Variants in INSIG1 observed in about 807,000 individuals in gnomAD.
The protein encoded by INSIG1 is insulin induced gene 1, also known as insulin-induced gene 1 protein.
Under a neutral mutation model 26.5 loss-of-function variants are expected in INSIG1, and 14 were observed. The observed-to-expected ratio is 0.53, with a 90% CI of 0.35 to 0.83. The LOEUF is 0.83. Ranked by LOEUF, INSIG1 falls within the 40% of genes least tolerant of loss-of-function variation. The probability of loss-of-function intolerance (pLI) is 0.01; values close to 1 mark genes in which losing one functional copy is unlikely to be tolerated. For synonymous variants in INSIG1, 147 were observed against 153.3 expected, an observed-to-expected ratio of 0.96 and a Z score of 0.30; for missense variants, 272 against 368.9, an observed-to-expected ratio of 0.74 and a Z score of 2.15.
At chr7:155,301,274 A>G (rs1797777114) in intron 2 of INSIG1, among the ~76,000 whole-genome samples, 2 of 152,244 alleles carry the variant, frequency 1.3e-5, no homozygotes. Context: ...ATAAGGTTAC[A>G]TATTGCTCAT....
intron 5 of INSIG1, among the ~76,000 whole-genome samples, chr7:155,307,809 A>G (rs958665209): frequency 1.3e-5 from 2 of 152,220 alleles, no homozygotes; most frequent in African/African-American, 4.8e-5. Flanking sequence ...ATAAAGGTTC[A>G]ATCCCTTAAA....
Position 155,298,517 on chromosome 7 carries a change from A to T in INSIG1, c.232A>T (p.Asn78Tyr), listed in dbSNP as rs761681762. 2 of 1,592,288 alleles carry T rather than the reference A, an allele frequency of 1.3e-6. No homozygotes were observed. Among genetic ancestry groups the T allele is most frequent in the East Asian group, 2.3e-5 (1 of 43,912 alleles). The change falls in exon 2 of 6, where the codon AAC becomes TAC. Residue 78 changes from asparagine to tyrosine, a missense_variant. Asn to Tyr is a moderately radical substitution (Grantham distance 143). Transcript: ENST00000340368. Reference sequence around the variant, plus strand: ...CCCCGAGCCCGGCAGCCCCTACCCCAACACCTGGCATCATCGCCTGTTGCA... The same window carrying T: ...CCCCGAGCCCGGCAGCCCCTACCCCTACACCTGGCATCATCGCCTGTTGCA... The part of the protein sequence containing the change: ...SGPEPGSPYP[N>Y]TWHHRLLQRS...
Position 155,304,160 on chromosome 7 carries a change from C to A in INSIG1, c.804+1314C>A, listed in dbSNP as rs11973535. On this transcript the variant is annotated intron_variant, in intron 5 of 5. Coordinates refer to ENST00000340368, the MANE Select transcript of INSIG1 (RefSeq NM_005542.6). ...TTTGCTTTTTGTGGAGATGTTATCTCCCTGCCTTGTCCAGGCCGGGCTCGA... is the reference window on the plus strand; with the variant it reads ...TTTGCTTTTTGTGGAGATGTTATCTACCTGCCTTGTCCAGGCCGGGCTCGA... Among the ~76,000 whole-genome samples, 907 of 152,198 alleles carry A rather than the reference C, an allele frequency of 6.0e-3. 14 individuals are homozygous for A. The highest frequency in any genetic ancestry group is 0.021 in the African/African-American group (881 of 41,532).
At chr7:155,307,010 T>C (rs753170225) in intron 5 of INSIG1, among the ~76,000 whole-genome samples, 1 of 152,198 alleles carries the variant, frequency 6.6e-6, no homozygotes, top group Non-Finnish European at 1.5e-5. Context: ...ATTCTAAAAG[T>C]CCACTTCCCA....
intron 2 of INSIG1, 105 bp downstream of exon 2, chr7:155,298,802 A>G: frequency 9.1e-7 from 1 of 1,103,040 alleles, no homozygotes; most frequent in Non-Finnish European, 1.3e-6. Context: ...AACTATCCAC[A>G]GATTGAAAGT....
At position 155,302,654 on chromosome 7, in the gene INSIG1, G is replaced by A; in HGVS notation, c.705-93G>A. 1 of 956,064 alleles carries A rather than the reference G, an allele frequency of 1.0e-6. No homozygotes were observed. The highest frequency in any genetic ancestry group is 2.0e-5 in the Admixed American group (1 of 50,690). The allele number at this position is 956,064 out of a possible 1,614,324, so 59.2% of individuals were successfully genotyped here. ...ATTCGTAACATTGGATGGTTGATAT[G>A]CGTTCTGCATATCCCCACTACAGAG... On this transcript the variant is annotated intron_variant, in intron 4 of 5. Transcript: ENST00000340368. This position sits in a 1 kb window ranked among gnomAD's most constrained non-coding sequence, Gnocchi z 4.3.
intron 5 of INSIG1, among the ~76,000 whole-genome samples, chr7:155,304,153 G>A (rs1456370590): frequency 6.6e-6 from 1 of 152,080 alleles, no homozygotes; most frequent in Non-Finnish European, 1.5e-5. Context: ...TTGTGGAGAT[G>A]TTATCTCCCT....
Position 155,302,856 on chromosome 7 carries a change from A to G in INSIG1, c.804+10A>G, listed in dbSNP as rs780125640. On this transcript the variant is annotated intron_variant, in intron 5 of 5. Transcript: ENST00000340368. The surrounding 1 kb of genome is among the most constrained non-coding windows in gnomAD (Gnocchi z 4.3). ...ACGACAGTTAGCTATGGTAAGTGAA[A>G]TGATCATATTATCTTCTAAAACTTG... 5.0e-5 allele frequency: 77 copies of G among 1,537,262 alleles called. 1 individual carries two copies. The South Asian group carries it at 6.9e-4, about 14-fold the overall frequency.
chr7:155,307,474 G>A (rs779990979), intron 5 of INSIG1, among the ~76,000 whole-genome samples: 1 of 152,210 alleles, frequency 6.6e-6, no homozygotes, highest in Non-Finnish European at 1.5e-5. Flanking sequence ...AAGCTCCGTG[G>A]CCTCAGGAAG....
rs754211515 is a variant in INSIG1, at chr7:155,302,257, G to T, written c.544G>T (p.Asp182Tyr). 4.5e-6 allele frequency: 7 copies of T among 1,549,386 alleles called. No individual in the cohort carries two copies. The highest frequency in any genetic ancestry group is 1.4e-5 in the African/African-American group (1 of 71,224). ...VGINHASAKLDFANNVQLSLT... is the reference protein window; with the variant it reads ...VGINHASAKLYFANNVQLSLT... ...TTAACTTTTATATCACCAGAAATTG[G>T]ATTTTGCCAATAATGTCCAGCTGTC... is the stretch of plus-strand genomic sequence containing the variant. Residue 182 changes from aspartate (D) to tyrosine (Y), a missense_variant, in exon 4 of 6, where the codon GAT (aspartate) becomes TAT (tyrosine). Asp to Tyr is a radical substitution (Grantham distance 160). Around this residue, in one of 2 missense-constraint regions of INSIG1, gnomAD observed 111 missense variants for 189.8 expected, o/e 0.58. Coordinates refer to ENST00000340368, the MANE Select transcript of INSIG1 (RefSeq NM_005542.6). The surrounding 1 kb of genome is among the most constrained non-coding windows in gnomAD (Gnocchi z 4.3).
intron 2 of INSIG1, among the ~76,000 whole-genome samples, chr7:155,300,650 T>G (rs1302922268): frequency 2.0e-4 from 30 of 152,238 alleles, no homozygotes; most frequent in South Asian, 2.1e-4. Context: ...TTTGCCATTT[T>G]ACTTCTCTTT....
rs2150893442 is a variant in INSIG1, at chr7:155,298,810, AGT to A, written c.412+117_412+118del. On this transcript the variant is annotated intron_variant, in intron 2 of 5. Coordinates refer to ENST00000340368, the MANE Select transcript of INSIG1 (RefSeq NM_005542.6). ...AAACTGGAACTATCCACAGATTGAAAGTGTGCATCTCCAGTCTTGGGATTTAG... is the reference window on the plus strand; with the variant it reads ...AAACTGGAACTATCCACAGATTGAAAGTGCATCTCCAGTCTTGGGATTTAG... The A allele has an allele frequency of 4.8e-6, 5 of 1,039,236 alleles. No individual in the cohort carries two copies. The South Asian group carries it at 8.0e-5, about 17-fold the overall frequency. 64.4% of individuals were successfully genotyped at this position (1,039,236 alleles called of 1,614,324 possible).
chr7:155,308,338 AAAG>A lies in INSIG1; in HGVS notation c.*70_*72del. The A allele has an allele frequency of 6.3e-7, 1 of 1,590,550 alleles. No homozygotes were observed. Among genetic ancestry groups the A allele is most frequent in the Non-Finnish European group, 8.6e-7 (1 of 1,158,678 alleles). On this transcript the variant is annotated 3_prime_UTR_variant, in exon 6 of 6. Coordinates refer to ENST00000340368, the MANE Select transcript of INSIG1 (RefSeq NM_005542.6). ...AGAAAATCTGACTGTGGATTATGAC[AAAG>A]ATTATCTTTTTTCTTAAGTAATCTA...
chr7:155,298,837 G>A (rs1797707710), intron 2 of INSIG1, 140 bp downstream of exon 2: 3 of 955,218 alleles, frequency 3.1e-6, no homozygotes, highest in Admixed American at 2.8e-5. Flanking sequence ...TTGGGATTTA[G>A]AGAAATGAAG....
chr7:155,305,077 C>T (rs1797901108), intron 5 of INSIG1, among the ~76,000 whole-genome samples: 1 of 148,768 alleles, frequency 6.7e-6, no homozygotes, highest in Admixed American at 6.8e-5. Context: ...ACCCGGGAGG[C>T]AGAGCTTGCA....
At chr7:155,300,965 T>C (rs1200011058) in intron 2 of INSIG1, among the ~76,000 whole-genome samples, 1 of 152,236 alleles carries the variant, frequency 6.6e-6, no homozygotes, top group Non-Finnish European at 1.5e-5. Context: ...TGTGCATGTG[T>C]GCACAGTAGG....
Position 155,308,561 on chromosome 7 carries a change from A to C in INSIG1, c.*291A>C, listed in dbSNP as rs1034587703. The stretch of plus-strand genomic sequence containing the variant: ...GGCAGCTTCCCAAGTATTCGATTTC[A>C]TTCATGTGATTAAAACAAGTTGCCA... On this transcript the variant is annotated 3_prime_UTR_variant, in exon 6 of 6. Transcript: ENST00000340368. 5 of 415,204 alleles carry C rather than the reference A, an allele frequency of 1.2e-5. No homozygotes were observed. Among genetic ancestry groups the C allele is most frequent in the Admixed American group, 3.6e-5 (1 of 27,994 alleles). 25.7% of individuals were successfully genotyped at this position (415,204 alleles called of 1,614,324 possible). A position where few individuals can be genotyped will look rare whatever the true frequency, so the allele number is the denominator to read the frequency against.
intron 2 of INSIG1, among the ~76,000 whole-genome samples, 167 bp downstream of exon 2, chr7:155,298,864 C>T (rs1046975019): frequency 6.6e-5 from 10 of 152,220 alleles, no homozygotes; most frequent in Admixed American, 6.5e-4. Flanking sequence ...TAGAGAGGAC[C>T]TGGCACCCCC....
chr7:155,303,956 G>T, intron 5 of INSIG1: 44 of 743,960 alleles, frequency 5.9e-5, no homozygotes, highest in Non-Finnish European at 7.1e-5. Context: ...TCATGATGGA[G>T]AAGAAAGGAC....
Sources: allele counts gnomAD v4.1 joint callset (sites outside exome capture counted in the v4.1 genomes callset), GRCh38; gene constraint gnomAD v4.1.1; regional missense constraint gnomAD v4.1.1; non-coding constraint Gnocchi (gnomAD v3.1); transcripts MANE v1.5; gene names NCBI Gene and HGNC (gene_info 2026-07-23, HGNC 2026-07-21).